ERRFI1: variants seen among roughly 807,000 people sequenced by gnomAD.
ERRFI1 encodes the protein ERBB receptor feedback inhibitor 1, also known as mitogen-inducible gene 6 protein.
In ERRFI1, 12 loss-of-function variants were observed where a neutral mutation model predicts 14.6. That is an observed-to-expected ratio of 0.82 (90% CI 0.53 to 1.33). The LOEUF is 1.33. Ranked by LOEUF, ERRFI1 falls within the 40% of genes most tolerant of loss-of-function variation. The pLI, the probability that ERRFI1 is intolerant of heterozygous loss-of-function variation, is 0.00. For synonymous variants in ERRFI1, 202 were observed against 209.9 expected, an observed-to-expected ratio of 0.96 and a Z score of 0.32; for missense variants, 482 against 572.1, an observed-to-expected ratio of 0.84 and a Z score of 1.61.
chr1:8,015,356 T>C lies in ERRFI1; in HGVS notation c.154A>G (p.Met52Val), dbSNP rs1641157899. The change falls in exon 3 of 4, where the codon ATG becomes GTG. Residue 52 changes from methionine (M) to valine (V), a missense_variant. Met to Val is a conservative substitution (Grantham distance 21). Transcript: ENST00000377482. ...GCAGAAGAGTTCAGACTGTAGGCCA[T>C]GGTTATCGGGTCAATATTTAAAAAG... ...NNFLNIDPITMAYSLNSSAQE... is the reference protein window; with the variant it reads ...NNFLNIDPITVAYSLNSSAQE... The C allele has an allele frequency of 1.9e-6, 3 of 1,614,080 alleles. No individual in the cohort carries two copies. The highest frequency in any genetic ancestry group is 2.5e-6 in the Non-Finnish European group (3 of 1,180,000).
Position 8,014,039 on chromosome 1 carries a change from G to A in ERRFI1, c.560C>T (p.Thr187Ile), listed in dbSNP as rs758325760. 1.1e-5 allele frequency: 17 copies of A among 1,614,022 alleles called. No individual in the cohort carries two copies. The African/African-American group carries it at 1.9e-4, about 18-fold the overall frequency. Residue 187 changes from threonine to isoleucine, a missense_variant, in exon 4 of 4, where the codon ACA (threonine) becomes ATA (isoleucine). Coordinates refer to ENST00000377482, the MANE Select transcript of ERRFI1 (RefSeq NM_018948.4). ...SDTDFLLEDS[T>I]LSDFKYDVPG... The stretch of plus-strand genomic sequence containing the variant: ...AACATCATATTTGAAATCAGAAAGT[G>A]TAGAGTCTTCTAAAAGGAAGTCTGT...
chr1:8,013,531 G>C lies in ERRFI1; in HGVS notation c.1068C>G (p.Pro356=). 3.1e-6 allele frequency: 5 copies of C among 1,614,118 alleles called. No individual in the cohort carries two copies. The highest frequency in any genetic ancestry group is 4.2e-6 in the Non-Finnish European group (5 of 1,180,022). The part of the protein sequence containing the change: ...MPPTQSFAPD[P]KYVSSKALQR... ...GCAGTGCTTTGCTGCTGACATACTTGGGATCAGGGGCAAAGCTCTGTGTCG... is the reference window on the plus strand; with the variant it reads ...GCAGTGCTTTGCTGCTGACATACTTCGGATCAGGGGCAAAGCTCTGTGTCG... The change falls in exon 4 of 4, where the codon CCC becomes CCG. Residue 356 remains proline (P), a synonymous_variant. Coordinates refer to ENST00000377482, the MANE Select transcript of ERRFI1 (RefSeq NM_018948.4). This position sits in a 1 kb window ranked among gnomAD's most constrained non-coding sequence, Gnocchi z 4.3.
In ERRFI1 at chr1:8,013,608, G is replaced by A. The variant is rs768497001; in HGVS notation, c.991C>T (p.Arg331Cys). The A allele has an allele frequency of 2.8e-5, 45 of 1,613,994 alleles. No individual in the cohort carries two copies. Among genetic ancestry groups the A allele is most frequent in the East Asian group, 4.5e-5 (2 of 44,896 alleles). ...GGAAGGCTTTTGGGACTCGGTGTGC[G>A]CGAGTTACTCGGTGACAAAGGTTCT... ...PREPLSPSNS[R>C]TPSPKSLPSY... is the part of the protein sequence containing the mutation. The change falls in exon 4 of 4, where the codon CGC (arginine) becomes TGC (cysteine). Residue 331 changes from arginine (R) to cysteine (C), a missense_variant. Coordinates refer to ENST00000377482, the MANE Select transcript of ERRFI1 (RefSeq NM_018948.4). This position sits in a 1 kb window ranked among gnomAD's most constrained non-coding sequence, Gnocchi z 4.3.
Position 8,015,624 on chromosome 1 carries a change from C to T in ERRFI1, c.-5G>A, listed in dbSNP as rs2124066515. ...AGCAACTCCTGCTATTGACATTGTG[C>T]CTTATTCTGGGACATCTCCAAACCT... On this transcript the variant is annotated 5_prime_UTR_variant, in exon 2 of 4. Coordinates refer to ENST00000377482, the MANE Select transcript of ERRFI1 (RefSeq NM_018948.4). 10 of 1,614,012 alleles carry T rather than the reference C, an allele frequency of 6.2e-6. No homozygotes were observed. Among genetic ancestry groups the T allele is most frequent in the African/African-American group, 1.3e-5 (1 of 75,018 alleles).
rs1404963724 is a variant in ERRFI1, at chr1:8,011,893, G to A, written c.*1317C>T. On this transcript the variant is annotated 3_prime_UTR_variant, in exon 4 of 4. Transcript: ENST00000377482. ...TTTAGTTCATACTAAAATATAATAA[G>A]CTTTAAATAGCTCAAATAATATTCA... 1 of 224,392 alleles carries A rather than the reference G, an allele frequency of 4.5e-6. No individual in the cohort carries two copies. Among genetic ancestry groups the A allele is most frequent in the African/African-American group, 2.2e-5 (1 of 44,806 alleles). 13.9% of individuals were successfully genotyped at this position (224,392 alleles called of 1,614,324 possible). A position where few individuals can be genotyped will look rare whatever the true frequency, so the allele number is the denominator to read the frequency against.
chr1:8,014,526 C>G, intron 3 of ERRFI1, 130 bp from the exon 4 acceptor site: 1 of 804,344 alleles, frequency 1.2e-6, no homozygotes, highest in Non-Finnish European at 1.9e-6. Context: ...GCTGTCACCC[C>G]GAGAACACCC....
chr1:8,025,296 T>A (rs1214423265), intron 1 of ERRFI1, among the ~76,000 whole-genome samples: 7 of 151,982 alleles, frequency 4.6e-5, no homozygotes, highest in Admixed American at 4.6e-4. Context: ...GGTTAAAGAG[T>A]CATCTAATTT....
chr1:8,016,911 T>G (rs1265616486), intron 1 of ERRFI1, among the ~76,000 whole-genome samples: 1 of 151,614 alleles, frequency 6.6e-6, no homozygotes, highest in Admixed American at 6.6e-5. Context: ...GTTTTTTTTT[T>G]TGTTTTTTTT....
At chr1:8,026,001 C>G (rs1641342757) in intron 1 of ERRFI1, among the ~76,000 whole-genome samples, 157 bp downstream of exon 1, 1 of 151,784 alleles carries the variant, frequency 6.6e-6, no homozygotes, top group Non-Finnish European at 1.5e-5. Context: ...TCCCTCCATC[C>G]CAGAGACTCC....
rs1344231602 is a variant in ERRFI1, at chr1:8,014,258, C to T, written c.341G>A (p.Gly114Asp). ...CCCATTCACTGTGAGTTTCTTAAAACCACATACAACTTGATCCTCTTCATG... is the reference window on the plus strand; with the variant it reads ...CCCATTCACTGTGAGTTTCTTAAAATCACATACAACTTGATCCTCTTCATG... ...GPHEEDQVVC[G>D]FKKLTVNGVC... Residue 114 changes from glycine to aspartate, a missense_variant, in exon 4 of 4, where the codon GGT becomes GAT. By Grantham distance (94) the Gly-to-Asp change is moderately conservative. Transcript: ENST00000377482. The T allele has an allele frequency of 1.9e-6, 3 of 1,614,022 alleles. No individual in the cohort carries two copies. The African/African-American group carries it at 4.0e-5, about 22-fold the overall frequency.
intron 3 of ERRFI1, chr1:8,014,686 T>C (rs975540173): frequency 4.4e-5 from 17 of 388,216 alleles, no homozygotes; most frequent in Non-Finnish European, 7.8e-5. Flanking sequence ...TGTGTAAAAT[T>C]CGCGGAAGAT....
intron 2 of ERRFI1, 33 bp from the exon 3 acceptor site, chr1:8,015,417 C>T (rs372927205): frequency 9.9e-6 from 16 of 1,613,918 alleles, no homozygotes; most frequent in South Asian, 4.4e-5. Flanking sequence ...TGGTCATAAG[C>T]GAAGAGCAAT....
Position 8,014,265 on chromosome 1 carries a change from C to G in ERRFI1, c.334G>C (p.Val112Leu), listed in dbSNP as rs1259038785. Residue 112 changes from valine to leucine, a missense_variant, in exon 4 of 4, where the codon GTA becomes CTA. Physicochemically the swap from Val to Leu is conservative, Grantham distance 32. Coordinates refer to ENST00000377482, the MANE Select transcript of ERRFI1 (RefSeq NM_018948.4). ...ACTGTGAGTTTCTTAAAACCACATACAACTTGATCCTCTTCATGTGGTCCC... is the reference window on the plus strand; with the variant it reads ...ACTGTGAGTTTCTTAAAACCACATAGAACTTGATCCTCTTCATGTGGTCCC... Reference protein sequence around the residue: ...NLGPHEEDQVVCGFKKLTVNG... With the variant: ...NLGPHEEDQVLCGFKKLTVNG... The G allele has an allele frequency of 6.2e-7, 1 of 1,614,136 alleles. No homozygotes were observed.
intron 1 of ERRFI1, among the ~76,000 whole-genome samples, chr1:8,023,545 C>G (rs1641301725): frequency 6.6e-6 from 1 of 152,114 alleles, no homozygotes; most frequent in Non-Finnish European, 1.5e-5. Flanking sequence ...TCCCAAAGTG[C>G]TGAGATTACA....
chr1:8,019,329 C>G (rs12065983), intron 1 of ERRFI1, among the ~76,000 whole-genome samples: 8,024 of 152,254 alleles, frequency 0.053, 693 homozygotes, highest in African/African-American at 0.18. Flanking sequence ...AAGCGCGCTT[C>G]TATTTTCCCC....
intron 3 of ERRFI1, chr1:8,015,087 C>CTG (rs1469786586): frequency 1.9e-6 from 1 of 533,730 alleles, no homozygotes; most frequent in African/African-American, 1.9e-5. Flanking sequence ...CGTCCATGAA[C>CTG]AGTCCTACTT....
chr1:8,020,994 C>T (rs933554418), intron 1 of ERRFI1, among the ~76,000 whole-genome samples: 1 of 152,078 alleles, frequency 6.6e-6, no homozygotes, highest in African/African-American at 2.4e-5. Flanking sequence ...AAAATAATGC[C>T]ATGTTTTAAT....
At chr1:8,016,154 C>T (rs560645241) in intron 1 of ERRFI1, among the ~76,000 whole-genome samples, 1 of 152,278 alleles carries the variant, frequency 6.6e-6, no homozygotes, top group South Asian at 2.1e-4. Flanking sequence ...AACTAATACT[C>T]ACTAAAACAC....
At chr1:8,016,466 T>C (rs551147055) in intron 1 of ERRFI1, among the ~76,000 whole-genome samples, 1 of 152,354 alleles carries the variant, frequency 6.6e-6, no homozygotes, top group Non-Finnish European at 1.5e-5. Context: ...AACTCATATC[T>C]TGCTTAGCTG....
Sources: allele counts gnomAD v4.1 joint callset (sites outside exome capture counted in the v4.1 genomes callset), GRCh38; gene constraint gnomAD v4.1.1; non-coding constraint Gnocchi (gnomAD v3.1); transcripts MANE v1.5; gene names NCBI Gene and HGNC (gene_info 2026-07-23, HGNC 2026-07-21).